The following PSEN1 variants were observed in gnomAD, a reference collection of about 807,000 sequenced individuals.
PSEN1 encodes the protein presenilin 1.
In PSEN1, 15 loss-of-function variants were observed where a neutral mutation model predicts 53.5. The observed-to-expected ratio is 0.28, with a 90% CI of 0.19 to 0.43. PSEN1 has a LOEUF of 0.43. Ranked by LOEUF, PSEN1 falls within the 20% of genes least tolerant of loss-of-function variation. The pLI is 1.00. For synonymous variants in PSEN1, 208 were observed against 209.8 expected, an observed-to-expected ratio of 0.99 and a Z score of 0.08; for missense variants, 387 against 571.2, an observed-to-expected ratio of 0.68 and a Z score of 3.29.
chr14:73,150,929 G>A (rs142413545), intron 3 of PSEN1, among the ~76,000 whole-genome samples: 256 of 152,102 alleles, frequency 1.7e-3, no homozygotes, highest in African/African-American at 5.7e-3. Flanking sequence ...TTAGCTGGGC[G>A]TGGTGACACG....
chr14:73,153,140 A>G (rs1897271994), intron 3 of PSEN1, among the ~76,000 whole-genome samples: 2 of 152,228 alleles, frequency 1.3e-5, no homozygotes, highest in Admixed American at 1.3e-4. Context: ...TCTAAATTTA[A>G]ATAGAATCTG....
chr14:73,151,374 A>C (rs893762764), intron 3 of PSEN1, among the ~76,000 whole-genome samples: 1 of 152,164 alleles, frequency 6.6e-6, no homozygotes, highest in Non-Finnish European at 1.5e-5. Context: ...GATTGGATAT[A>C]TGGATCTTAG....
At chr14:73,170,272 C>G (rs998826349) in intron 3 of PSEN1, among the ~76,000 whole-genome samples, 1 of 152,154 alleles carries the variant, frequency 6.6e-6, no homozygotes, top group Non-Finnish European at 1.5e-5. Flanking sequence ...CCTATCTCAT[C>G]CCGTAACTAA....
chr14:73,139,478 G>A (rs1374066080), intron 1 of PSEN1: 1 of 151,900 alleles, frequency 6.6e-6, no homozygotes, highest in Non-Finnish European at 1.5e-5. Context: ...CTACTCGGGA[G>A]GTGAGGCAGG....
At chr14:73,207,986 A>G (rs1400544459) in intron 9 of PSEN1, among the ~76,000 whole-genome samples, 1 of 152,234 alleles carries the variant, frequency 6.6e-6, no homozygotes, top group Non-Finnish European at 1.5e-5. Context: ...TAGAAAAGTA[A>G]GAAATATACT....
chr14:73,173,874 A>AAAAGG lies in PSEN1; in HGVS notation c.480+170_480+174dup, dbSNP rs554996321. ...CACTGTGGAACATTCAAAAAATACA[A>AAAAGG]AAAGGAAGCCAGGTGCATGTGTAAT... is the stretch of plus-strand genomic sequence containing the variant. On this transcript the variant is annotated intron_variant, in intron 5 of 11. Transcript: ENST00000324501. The AAAAGG allele has an allele frequency of 4.1e-3, 3,506 of 859,092 alleles. 11 individuals are homozygous for AAAAGG. Among genetic ancestry groups the AAAAGG allele is most frequent in the Non-Finnish European group, 5.6e-3 (2,945 of 524,042 alleles). The allele number at this position is 859,092 out of a possible 1,614,324, so 53.2% of individuals were successfully genotyped here. A position where few individuals can be genotyped will look rare whatever the true frequency, so the allele number is the denominator to read the frequency against.
chr14:73,165,483 C>T (rs1367973269), intron 3 of PSEN1, among the ~76,000 whole-genome samples: 3 of 151,938 alleles, frequency 2.0e-5, no homozygotes, highest in African/African-American at 4.8e-5. Context: ...CAGTGGCTCA[C>T]GCCTTCAATC....
chr14:73,204,158 C>T (rs1248946539), intron 8 of PSEN1, among the ~76,000 whole-genome samples: 2 of 151,994 alleles, frequency 1.3e-5, no homozygotes, highest in African/African-American at 4.8e-5. Context: ...ACCACCACAC[C>T]GGGCTAATTT....
At chr14:73,151,878 T>TTATATATATATATATATA (rs768963474) in intron 3 of PSEN1, among the ~76,000 whole-genome samples, 5 of 56,930 alleles carry the variant, frequency 8.8e-5, no homozygotes, top group South Asian at 7.0e-4. Context: ...CTAAAATATT[T>TTATATATATATATATATA]TATATATATA....
chr14:73,218,444 G>T (rs1900010798), intron 11 of PSEN1, among the ~76,000 whole-genome samples: 1 of 152,160 alleles, frequency 6.6e-6, no homozygotes, highest in South Asian at 2.1e-4. Flanking sequence ...TTTTACTAAA[G>T]ATGTGTTATC....
intron 1 of PSEN1, among the ~76,000 whole-genome samples, chr14:73,140,177 A>G (rs1896878942): frequency 6.6e-6 from 1 of 151,032 alleles, no homozygotes; most frequent in South Asian, 2.1e-4. Flanking sequence ...TCCGAAAACT[A>G]AAAGGTTTTT....
At position 73,219,211 on chromosome 14, in the gene PSEN1, G is replaced by T; in HGVS notation, c.1326G>T (p.Gly442=). 1 of 1,613,672 alleles carries T rather than the reference G, an allele frequency of 6.2e-7. No homozygotes were observed. Among genetic ancestry groups the T allele is most frequent in the Non-Finnish European group, 8.5e-7 (1 of 1,179,574 alleles). ...CTCTTCCAATCTCCATCACCTTTGG[G>T]CTTGTTTTCTACTTTGCCACAGATT... ...LPALPISITF[G]LVFYFATDYL... Residue 442 remains glycine, a synonymous_variant, in exon 12 of 12, where the codon GGG becomes GGT. Coordinates refer to ENST00000324501, the MANE Select transcript of PSEN1 (RefSeq NM_000021.4).
chr14:73,198,763 T>C (rs1455857480), intron 8 of PSEN1, among the ~76,000 whole-genome samples: 4 of 152,020 alleles, frequency 2.6e-5, no homozygotes, highest in Non-Finnish European at 4.4e-5. Context: ...GAAGAAAAAA[T>C]GCTTTCCTGT....
intron 10 of PSEN1, among the ~76,000 whole-genome samples, chr14:73,216,275 G>A (rs1899909053): frequency 6.6e-6 from 1 of 152,202 alleles, no homozygotes; most frequent in Non-Finnish European, 1.5e-5. Flanking sequence ...AAGGCCTAGG[G>A]TAGGAGTGGG....
intron 5 of PSEN1, among the ~76,000 whole-genome samples, chr14:73,175,150 A>G (rs532019276): frequency 2.4e-4 from 37 of 151,844 alleles, no homozygotes; most frequent in African/African-American, 8.7e-4. Context: ...CCCCGAGACG[A>G]AGTCTCGCTC....
rs556460917 is a variant in PSEN1, at chr14:73,213,310, C to T, written c.1129+1368C>T. Among the ~76,000 whole-genome samples, 3 of 152,224 alleles carry T rather than the reference C, an allele frequency of 2.0e-5. No homozygotes were observed. The South Asian group carries it at 6.2e-4, about 32-fold the overall frequency. On this transcript the variant is annotated intron_variant, in intron 10 of 11. Coordinates refer to ENST00000324501, the MANE Select transcript of PSEN1 (RefSeq NM_000021.4). ...AGGAAATAACATAATAGTTGTTGAC[C>T]AGAGCAGCAGCATAATTCTTTCATG...
intron 5 of PSEN1, among the ~76,000 whole-genome samples, chr14:73,178,575 ATTG>A (rs1566633184): frequency 6.6e-6 from 1 of 151,876 alleles, no homozygotes; most frequent in East Asian, 1.9e-4. Context: ...TTTTTTCACT[ATTG>A]TTCTGGTTAG....
chr14:73,214,547 A>G (rs1022929227), intron 10 of PSEN1, among the ~76,000 whole-genome samples: 1 of 151,322 alleles, frequency 6.6e-6, no homozygotes, highest in Non-Finnish European at 1.5e-5. Context: ...AAAAAAAAAA[A>G]GACCAACTAC....
At chr14:73,162,468 GAGAAGGAGA>G (rs1430059820) in intron 3 of PSEN1, among the ~76,000 whole-genome samples, 1 of 141,024 alleles carries the variant, frequency 7.1e-6, no homozygotes, top group Admixed American at 7.1e-5. Context: ...CTCTCTCCAT[GAGAAGGAGA>G]GAGAGAGAGA....
Sources: gnomAD v4.1 joint callset for allele counts (sites outside exome capture counted in the v4.1 genomes callset) on GRCh38, gnomAD v4.1.1 for gene constraint, MANE v1.5 for transcripts, NCBI Gene and HGNC (gene_info 2026-07-23, HGNC 2026-07-21) for gene names.